RC3H2: variants seen among roughly 807,000 people sequenced by gnomAD.
RC3H2 encodes ring finger and CCCH-type domains 2.
Under a neutral mutation model 133.3 loss-of-function variants are expected in RC3H2, and 31 were observed. That is an observed-to-expected ratio of 0.23 (90% confidence interval 0.17 to 0.31). The LOEUF is 0.31. RC3H2 is among the 10% of genes least tolerant of loss of function. RC3H2 has a pLI of 1.00. For missense variants in RC3H2, 1,175 were observed against 1,437.2 expected (o/e 0.82, Z 2.95); for synonymous variants, 517 against 502.2 (o/e 1.03, Z -0.40).
At position 122,858,981 on chromosome 9, in the gene RC3H2, A is replaced by G. The variant is rs1174713901; in HGVS notation, c.1971T>C (p.His657=). ...LPPASMPYAD[H]YSTFSPRDRM... ...GATCTCGAGGGGAAAATGTACTGTA[A>G]TGATCGGCATATGGCATGGAAGCAG... Residue 657 remains histidine, a synonymous_variant, in exon 12 of 21, where the codon CAT becomes CAC. Transcript: ENST00000357244. 6.2e-7 allele frequency: 1 copy of G among 1,614,206 alleles called. No individual in the cohort carries two copies. Among genetic ancestry groups the G allele is most frequent in the Non-Finnish European group, 8.5e-7 (1 of 1,180,014 alleles).
chr9:122,867,596 C>T (rs1313335638), intron 9 of RC3H2, among the ~76,000 whole-genome samples: 9 of 123,126 alleles, frequency 7.3e-5, no homozygotes, highest in Non-Finnish European at 1.1e-4. Context: ...TCTGCCCGGC[C>T]GCCATCCCAT....
chr9:122,859,940 T>C lies in RC3H2; in HGVS notation c.1826A>G (p.Glu609Gly). The change falls in exon 11 of 21, where the codon GAA (glutamate) becomes GGA (glycine). Residue 609 changes from glutamate to glycine, a missense_variant. Physicochemically the swap from Glu to Gly is moderately conservative, Grantham distance 98 (BLOSUM62 -2). Around this residue, in one of 8 missense-constraint regions of RC3H2, gnomAD observed 490 missense variants for 492.8 expected, o/e 0.99. Transcript: ENST00000357244. ...ACCTGTCTGTGGGTACTGTGGGACT[T>C]CAAAGGGTATCTGAGTCCTTGGATC... ...FQDPRTQIPF[E>G]VPQYPQTGYY... 8 of 1,613,810 alleles carry C rather than the reference T, an allele frequency of 5.0e-6. No individual in the cohort carries two copies. The highest frequency in any genetic ancestry group is 6.8e-6 in the Non-Finnish European group (8 of 1,179,672).
intron 20 of RC3H2, among the ~76,000 whole-genome samples, chr9:122,850,435 T>TATAGATAGATAG (rs6151170): frequency 0.015 from 2,237 of 149,968 alleles, 33 homozygotes; most frequent in East Asian, 0.026. Context: ...GCTATCTATC[T>TATAGATAGATAG]ATAGATAGAT....
chr9:122,900,203 T>C lies in RC3H2; in HGVS notation c.-67-2627A>G, dbSNP rs1311182554. On this transcript the variant is annotated intron_variant, in intron 1 of 20. Coordinates refer to ENST00000357244, the MANE Select transcript of RC3H2 (RefSeq NM_001100588.3). The stretch of plus-strand genomic sequence containing the variant: ...AATTAATACTGAGAAGTTTAATTTC[T>C]ACCACAAATTGAATTAATACCTTTA... Among the ~76,000 whole-genome samples the C allele has an allele frequency of 3.9e-4, 60 of 152,284 alleles. 1 individual carries two copies. The highest frequency in any genetic ancestry group is 3.9e-3 in the Admixed American group (59 of 15,292).
chr9:122,884,189 A>C (rs1831788764), intron 4 of RC3H2, among the ~76,000 whole-genome samples: 1 of 152,058 alleles, frequency 6.6e-6, no homozygotes, highest in Admixed American at 6.6e-5. Context: ...GTTACTTGGG[A>C]GGCTGAGGCA....
chr9:122,901,309 A>C (rs1057050172), intron 1 of RC3H2, among the ~76,000 whole-genome samples: 3 of 152,204 alleles, frequency 2.0e-5, no homozygotes, highest in Admixed American at 6.5e-5. Flanking sequence ...ACTTAAAAAT[A>C]ATTAGTTTTG....
At chr9:122,862,574 C>T (rs1264806569) in intron 10 of RC3H2, among the ~76,000 whole-genome samples, 1 of 151,628 alleles carries the variant, frequency 6.6e-6, no homozygotes, top group Non-Finnish European at 1.5e-5. Flanking sequence ...CAACTGTGTT[C>T]CAATAAAAAT....
At chr9:122,859,252 C>CATTTTTT in intron 11 of RC3H2, 150 bp from the exon 12 acceptor site, 1 of 188,808 alleles carries the variant, frequency 5.3e-6, no homozygotes, top group East Asian at 3.0e-4. Context: ...TATACCCTGG[C>CATTTTTT]TTTTTTTTTT....
chr9:122,875,361 G>C, intron 9 of RC3H2: 2 of 1,548,584 alleles, frequency 1.3e-6, no homozygotes, highest in South Asian at 2.4e-5. Flanking sequence ...AGTCCACGGG[G>C]GTTACACTTA....
chr9:122,905,343 G>A lies in RC3H2; in HGVS notation c.-301C>T. ...TCCTCCTCCTCCTCCTCACCACGGAGGCGGACCTGGAGGGATCCCGATCTA... is the reference window on the plus strand; with the variant it reads ...TCCTCCTCCTCCTCCTCACCACGGAAGCGGACCTGGAGGGATCCCGATCTA... On this transcript the variant is annotated 5_prime_UTR_variant, in exon 1 of 21. Transcript: ENST00000357244. The A allele has an allele frequency of 1.0e-6, 1 of 962,992 alleles. No individual in the cohort carries two copies. Among genetic ancestry groups the A allele is most frequent in the Non-Finnish European group, 1.2e-6 (1 of 809,510 alleles). 59.7% of individuals were successfully genotyped at this position (962,992 alleles called of 1,614,324 possible).
chr9:122,863,476 CATGTT>C (rs1450914586), intron 10 of RC3H2, among the ~76,000 whole-genome samples: 14 of 152,048 alleles, frequency 9.2e-5, no homozygotes, highest in Non-Finnish European at 2.1e-4. Context: ...AGATTTAATC[CATGTT>C]ATGTTGTTTT....
At chr9:122,852,305 C>G (rs1193558860) in intron 18 of RC3H2, among the ~76,000 whole-genome samples, 1 of 150,194 alleles carries the variant, frequency 6.7e-6, no homozygotes, top group Non-Finnish European at 1.5e-5. Context: ...GCCCGGCAGC[C>G]GCCCCGTCTG....
At chr9:122,875,360 G>T (rs1194139594) in intron 9 of RC3H2, 1 of 1,549,094 alleles carries the variant, frequency 6.5e-7, no homozygotes, top group East Asian at 2.4e-5. Flanking sequence ...TAGTCCACGG[G>T]GGTTACACTT....
At chr9:122,887,314 A>T (rs1217439263) in intron 4 of RC3H2, among the ~76,000 whole-genome samples, 2 of 152,152 alleles carry the variant, frequency 1.3e-5, no homozygotes, top group Non-Finnish European at 2.9e-5. Flanking sequence ...GTCATTCATT[A>T]TGATGTTTAA....
chr9:122,880,238 A>G, intron 6 of RC3H2, 113 bp from the exon 7 acceptor site: 1 of 1,178,722 alleles, frequency 8.5e-7, no homozygotes, highest in Non-Finnish European at 1.3e-6. Context: ...TTCAGATTCC[A>G]CAGTAGGAGT....
chr9:122,862,934 G>A (rs949390589), intron 10 of RC3H2, among the ~76,000 whole-genome samples: 1 of 139,880 alleles, frequency 7.1e-6, no homozygotes, highest in Non-Finnish European at 1.6e-5. Flanking sequence ...AGTCTATTTT[G>A]TTAAAAAATT....
At position 122,880,602 on chromosome 9, in the gene RC3H2, T is replaced by C; in HGVS notation, c.952A>G (p.Ile318Val). ...LAHKSHMQSIIDKLQSPESFA... is the reference protein window; with the variant it reads ...LAHKSHMQSIVDKLQSPESFA... Reference sequence around the variant, plus strand: ...TCTCTAATTTCACAAACCTTATCAATGATAGACTGCATGTGTGATTTATGA... The same window carrying C: ...TCTCTAATTTCACAAACCTTATCAACGATAGACTGCATGTGTGATTTATGA... The change falls in exon 6 of 21, where the codon ATT becomes GTT. Residue 318 changes from isoleucine to valine, a missense_variant. By Grantham distance (29) the Ile-to-Val change is conservative. Coordinates refer to ENST00000357244, the MANE Select transcript of RC3H2 (RefSeq NM_001100588.3). The C allele has an allele frequency of 1.2e-6, 2 of 1,612,840 alleles. No individual in the cohort carries two copies. Among genetic ancestry groups the C allele is most frequent in the Non-Finnish European group, 1.7e-6 (2 of 1,178,896 alleles).
intron 4 of RC3H2, among the ~76,000 whole-genome samples, chr9:122,884,242 G>A (rs919389100): frequency 1.3e-5 from 2 of 151,976 alleles, no homozygotes; most frequent in Non-Finnish European, 1.5e-5. Context: ...GCAGTGAGCC[G>A]AGATCGTGCC....
intron 10 of RC3H2, among the ~76,000 whole-genome samples, chr9:122,864,730 C>T (rs1830574766): frequency 6.6e-6 from 1 of 152,004 alleles, no homozygotes; most frequent in Non-Finnish European, 1.5e-5. Context: ...ATGCCATTCT[C>T]CTACCTCAGC....
Sources: allele counts gnomAD v4.1 joint callset (sites outside exome capture counted in the v4.1 genomes callset), GRCh38; gene constraint gnomAD v4.1.1; regional missense constraint gnomAD v4.1.1; transcripts MANE v1.5; gene names NCBI Gene and HGNC (gene_info 2026-07-23, HGNC 2026-07-21).